BMPR1B: variants seen among roughly 807,000 people sequenced by gnomAD.
BMPR1B encodes the protein bone morphogenetic protein receptor type 1B.
A neutral mutation model predicts 59.1 loss-of-function variants in BMPR1B; 12 were observed. The ratio of observed to expected loss-of-function variants is 0.20; its 90% confidence interval spans 0.13 to 0.33. BMPR1B has a LOEUF of 0.33. Among genes scored for constraint, BMPR1B ranks in the 10% least tolerant of loss-of-function variants. The pLI, the probability that BMPR1B is intolerant of heterozygous loss-of-function variation, is 1.00. For synonymous variants in BMPR1B, 237 were observed against 207.3 expected, an observed-to-expected ratio of 1.14 and a Z score of -1.23; for missense variants, 550 against 610.9, an observed-to-expected ratio of 0.90 and a Z score of 1.05.
chr4:95,077,864 A>C (rs1176068582), intron 3 of BMPR1B, among the ~76,000 whole-genome samples: 1 of 152,188 alleles, frequency 6.6e-6, no homozygotes, highest in Non-Finnish European at 1.5e-5. Context: ...ATATTGTTTA[A>C]AATATAGCTA....
chr4:94,879,870 A>G (rs1726889156), intron 2 of BMPR1B, among the ~76,000 whole-genome samples: 1 of 152,200 alleles, frequency 6.6e-6, no homozygotes, highest in Non-Finnish European at 1.5e-5. Context: ...AAAAGAAAAA[A>G]ACAATGTATA....
chr4:94,843,895 G>A (rs902278740), intron 1 of BMPR1B, among the ~76,000 whole-genome samples: 10 of 152,112 alleles, frequency 6.6e-5, no homozygotes, highest in Non-Finnish European at 1.2e-4. Flanking sequence ...AATAATGATG[G>A]ATGACCTGGG....
chr4:94,897,473 T>A (rs1427210912), intron 2 of BMPR1B, among the ~76,000 whole-genome samples: 2 of 152,002 alleles, frequency 1.3e-5, no homozygotes, highest in African/African-American at 2.4e-5. Context: ...CCTTTTGTAG[T>A]CCTCGCTTAC....
chr4:94,891,569 T>A lies in BMPR1B; in HGVS notation c.-113+15669T>A, dbSNP rs554030233. On this transcript the variant is annotated intron_variant, in intron 2 of 12. Coordinates refer to ENST00000515059, the MANE Select transcript of BMPR1B (RefSeq NM_001203.3). ...TTTGAAGTGGCAGTAATCCTGAGCT[T>A]AAAACAGTAGTGGCCACACATTCTA... Among the ~76,000 whole-genome samples, 4 of 152,168 alleles carry A rather than the reference T, an allele frequency of 2.6e-5. No homozygotes were observed. The East Asian group carries it at 7.8e-4, about 30-fold the overall frequency.
At chr4:94,874,069 A>G (rs887915551) in intron 1 of BMPR1B, among the ~76,000 whole-genome samples, 4 of 152,186 alleles carry the variant, frequency 2.6e-5, no homozygotes, top group Admixed American at 2.6e-4. Context: ...GATGTCTTCA[A>G]GGTTCATCCA....
At chr4:94,770,969 T>G (rs935898867) in intron 1 of BMPR1B, among the ~76,000 whole-genome samples, 2 of 152,014 alleles carry the variant, frequency 1.3e-5, no homozygotes, top group Admixed American at 6.5e-5. Flanking sequence ...ACCTTATACT[T>G]TAGCATACAC....
chr4:94,970,239 T>TTCTTCTCTTCTCTTCTCTTC lies in BMPR1B; in HGVS notation c.-112-25754_-112-25735dup, dbSNP rs10591546. On this transcript the variant is annotated intron_variant, in intron 2 of 12. Transcript: ENST00000515059. ...AAGATCTTACTTCAGCTGTTTGTTT[T>TTCTTCTCTTCTCTTCTCTTC]TCTTCTCTTCTCTTCTCTTCTCTTC... Among the ~76,000 whole-genome samples the TTCTTCTCTTCTCTTCTCTTC allele has an allele frequency of 3.1e-3, 390 of 127,430 alleles. 3 individuals carry two copies. The highest frequency in any genetic ancestry group is 8.7e-3 in the Middle Eastern group (2 of 230). 83.6% of individuals were successfully genotyped at this position (127,430 alleles called of 152,430 possible).
At chr4:94,880,392 A>G (rs917461200) in intron 2 of BMPR1B, among the ~76,000 whole-genome samples, 5 of 152,172 alleles carry the variant, frequency 3.3e-5, no homozygotes, top group Non-Finnish European at 7.4e-5. Flanking sequence ...TGGCACGATC[A>G]TAGCTCACTG....
At chr4:95,098,299 A>G (rs948318013) in intron 3 of BMPR1B, among the ~76,000 whole-genome samples, 7 of 152,136 alleles carry the variant, frequency 4.6e-5, no homozygotes, top group African/African-American at 1.2e-4. Context: ...GATTATTTCT[A>G]TATATGCATG....
chr4:94,877,515 G>T (rs1053751746), intron 2 of BMPR1B, among the ~76,000 whole-genome samples: 2 of 152,222 alleles, frequency 1.3e-5, no homozygotes, highest in African/African-American at 4.8e-5. Context: ...TGTGCACTAG[G>T]CTCTGCAAAG....
chr4:94,834,416 A>T (rs953334718), intron 1 of BMPR1B, among the ~76,000 whole-genome samples: 1 of 151,994 alleles, frequency 6.6e-6, no homozygotes, highest in African/African-American at 2.4e-5. Flanking sequence ...GTTTTGTCTT[A>T]CTTTTTCCCT....
intron 2 of BMPR1B, among the ~76,000 whole-genome samples, chr4:94,892,467 A>G (rs1175110013): frequency 1.3e-5 from 2 of 152,104 alleles, no homozygotes; most frequent in African/African-American, 4.8e-5. Context: ...GTTTGTTCAT[A>G]TATACTTTTA....
intron 3 of BMPR1B, among the ~76,000 whole-genome samples, chr4:95,002,868 T>C: frequency 6.6e-6 from 1 of 152,304 alleles, no homozygotes; most frequent in Admixed American, 6.5e-5. Context: ...TGATATTTAA[T>C]TTACTTATTT....
chr4:94,869,335 A>G (rs992611037), intron 1 of BMPR1B, among the ~76,000 whole-genome samples: 1 of 152,154 alleles, frequency 6.6e-6, no homozygotes, highest in African/African-American at 2.4e-5. Context: ...TTATTTTACT[A>G]AGCACCAGAA....
chr4:94,908,087 AAAAG>A (rs1463895502), intron 2 of BMPR1B, among the ~76,000 whole-genome samples: 1 of 120,232 alleles, frequency 8.3e-6, no homozygotes. Context: ...AAAAAAAAAA[AAAAG>A]AAAAAACAAA....
intron 2 of BMPR1B, among the ~76,000 whole-genome samples, chr4:94,909,202 T>C (rs1318201052): frequency 6.6e-6 from 1 of 152,088 alleles, no homozygotes; most frequent in Non-Finnish European, 1.5e-5. Context: ...CTCATCTTAA[T>C]GAATTAAGTC....
At chr4:95,027,355 T>C (rs1263070274) in intron 3 of BMPR1B, among the ~76,000 whole-genome samples, 2 of 152,222 alleles carry the variant, frequency 1.3e-5, no homozygotes, top group African/African-American at 4.8e-5. Flanking sequence ...TCTGAAGTCA[T>C]CTGATTAAAA....
intron 2 of BMPR1B, among the ~76,000 whole-genome samples, chr4:94,950,104 G>C (rs1379713260): frequency 6.6e-6 from 1 of 152,122 alleles, no homozygotes. Flanking sequence ...GCAAGTGTCT[G>C]TTCATATCCT....
In BMPR1B at chr4:95,148,855, A is replaced by T; in HGVS notation, c.1184A>T (p.Tyr395Phe). ...TTGAACAGAAATCACTTCCAGTCTT[A>T]CATCATGGCTGACATGTATAGTTTT... ...ESLNRNHFQS[Y>F]IMADMYSFGL... is the part of the protein sequence containing the mutation. Residue 395 changes from tyrosine to phenylalanine, a missense_variant, in exon 11 of 13, where the codon TAC (tyrosine) becomes TTC (phenylalanine). This residue lies in a region of BMPR1B where 123 missense variants were observed against 164.6 expected (regional missense o/e 0.75). Transcript: ENST00000515059. The T allele has an allele frequency of 6.2e-7, 1 of 1,614,102 alleles. No individual in the cohort carries two copies. Among genetic ancestry groups the T allele is most frequent in the Non-Finnish European group, 8.5e-7 (1 of 1,179,950 alleles).
Sources: allele counts gnomAD v4.1 joint callset (sites outside exome capture counted in the v4.1 genomes callset), GRCh38; gene constraint gnomAD v4.1.1; regional missense constraint gnomAD v4.1.1; transcripts MANE v1.5; gene names NCBI Gene and HGNC (gene_info 2026-07-23, HGNC 2026-07-21).